TJAP1: variants seen among roughly 807,000 people sequenced by gnomAD.
The protein encoded by TJAP1 is tight junction associated protein 1, also known as tight junction-associated protein 1.
TJAP1 carries 27 observed loss-of-function variants against 42.0 expected under a neutral mutation model. The observed-to-expected ratio is 0.64, with a 90% CI of 0.47 to 0.89. The LOEUF (loss-of-function observed/expected upper bound fraction) is 0.89. TJAP1 is among the 40% of genes least tolerant of loss of function. The pLI is 0.00. For synonymous variants in TJAP1, 257 were observed against 288.4 expected (o/e 0.89, Z 1.10); for missense variants, 712 against 726.9 (o/e 0.98, Z 0.24).
At chr6:43,500,847 A>T in intron 5 of TJAP1, 75 bp downstream of exon 5, 1 of 1,561,082 alleles carries the variant, frequency 6.4e-7, no homozygotes, top group South Asian at 1.1e-5. Context: ...CTGTTGGTAC[A>T]GTTGGACTTT....
In TJAP1 at chr6:43,491,509, C is replaced by T. The variant is rs1787826680; in HGVS notation, c.-121-6372C>T. On this transcript the variant is annotated intron_variant, in intron 2 of 10. Coordinates refer to ENST00000372449, the Ensembl canonical transcript of TJAP1. This position sits in a 1 kb window ranked among gnomAD's most constrained non-coding sequence, Gnocchi z 4.6. ...TTCTCCATGTTAGTCAGGCTGGTCT[C>T]GAACTCCCGACCTCAGGTGATCTGC... Among the ~76,000 whole-genome samples the T allele has an allele frequency of 6.6e-6, 1 of 152,078 alleles. No individual in the cohort carries two copies. Among genetic ancestry groups the T allele is most frequent in the African/African-American group, 2.4e-5 (1 of 41,406 alleles).
chr6:43,502,051 C>T (rs1283100514), intron 6 of TJAP1, among the ~76,000 whole-genome samples: 2 of 104,258 alleles, frequency 1.9e-5, no homozygotes, highest in African/African-American at 1.0e-4. Flanking sequence ...TGCGGGGACA[C>T]ACACACACAC....
intron 6 of TJAP1, 61 bp downstream of exon 6, chr6:43,501,748 ACACACACACACT>A (rs1299942441): frequency 1.4e-4 from 94 of 668,550 alleles, no homozygotes; most frequent in African/African-American, 1.2e-3. Flanking sequence ...ACACACACAC[ACACACACACACT>A]CTCTCTGTCT....
chr6:43,485,464 G>A (rs569926662), intron 2 of TJAP1, among the ~76,000 whole-genome samples: 1 of 152,300 alleles, frequency 6.6e-6, no homozygotes, highest in Non-Finnish European at 1.5e-5. Context: ...CCAGAATTAA[G>A]TGTATAATGC....
chr6:43,503,773 CCA>C, intron 10 of TJAP1, 67 bp downstream of exon 10: 6 of 1,371,168 alleles, frequency 4.4e-6, no homozygotes, highest in African/African-American at 1.4e-5. Flanking sequence ...TCCTCTAACT[CCA>C]GTTTCTGCAC....
rs1233647209 is a variant in TJAP1, at chr6:43,492,356, G to A, written c.-121-5525G>A. Among the ~76,000 whole-genome samples the A allele has an allele frequency of 3.9e-5, 6 of 152,208 alleles. No individual in the cohort carries two copies. Among genetic ancestry groups the A allele is most frequent in the Non-Finnish European group, 8.8e-5 (6 of 68,046 alleles). The stretch of plus-strand genomic sequence containing the variant: ...GGGTGAGGTTGTACTTGCCCAGAGG[G>A]GTGGCGGGCATAGCTGTTGGAGGGG... On this transcript the variant is annotated intron_variant, in intron 2 of 10. Transcript: ENST00000372449. This position sits in a 1 kb window ranked among gnomAD's most constrained non-coding sequence, Gnocchi z 4.2.
chr6:43,494,368 T>C (rs1788553254), intron 2 of TJAP1, among the ~76,000 whole-genome samples: 1 of 152,050 alleles, frequency 6.6e-6, no homozygotes. Flanking sequence ...CCCTTTTCCT[T>C]CTCACTTCAC....
At chr6:43,493,300 G>A (rs952130475) in intron 2 of TJAP1, among the ~76,000 whole-genome samples, 1 of 152,182 alleles carries the variant, frequency 6.6e-6, no homozygotes, top group Non-Finnish European at 1.5e-5. Flanking sequence ...GAAAGGCTTC[G>A]TAGTAGGTTC....
In TJAP1 at chr6:43,505,209, G is replaced by A. The variant is rs77386052; in HGVS notation, c.1028G>A (p.Arg343His). 1.3e-3 allele frequency: 2,103 copies of A among 1,614,012 alleles called. 20 individuals are homozygous for A. The African/African-American group carries it at 0.02, about 16-fold the overall frequency. ...TCTGAGGATAAGGTTCGGATCCCCC[G>A]CAACAGCCCCCTGCCCAACTGCACT... The change falls in exon 11 of 11, where the codon CGC becomes CAC. Residue 343 changes from arginine to histidine, a missense_variant. Around this residue, in one of 3 missense-constraint regions of TJAP1, gnomAD observed 549 missense variants for 528.2 expected, o/e 1.04. Transcript: ENST00000372449. The surrounding 1 kb of genome is among the most constrained non-coding windows in gnomAD (Gnocchi z 5.5).
intron 2 of TJAP1, among the ~76,000 whole-genome samples, chr6:43,493,338 A>T (rs1788251176): frequency 6.6e-6 from 1 of 152,186 alleles, no homozygotes; most frequent in Admixed American, 6.5e-5. Flanking sequence ...AGATAAACTG[A>T]TGGGGCCACA....
In TJAP1 at chr6:43,505,129, C is replaced by T. The variant is rs751768728; in HGVS notation, c.948C>T (p.Tyr316=). 8 of 1,614,190 alleles carry T rather than the reference C, an allele frequency of 5.0e-6. No individual in the cohort carries two copies. The highest frequency in any genetic ancestry group is 1.1e-5 in the South Asian group (1 of 91,088). Residue 316 remains tyrosine, a synonymous_variant, in exon 11 of 11, where the codon TAC becomes TAT. Coordinates refer to ENST00000372449, the Ensembl canonical transcript of TJAP1. This position sits in a 1 kb window ranked among gnomAD's most constrained non-coding sequence, Gnocchi z 5.5. ...CAGCCTTTGAGAAGCTGAACCCCTA[C>T]CCAACCCCGTCTCCACCACACCCAC...
At chr6:43,503,173 G>A in intron 8 of TJAP1, 1 of 571,990 alleles carries the variant, frequency 1.7e-6, no homozygotes, top group South Asian at 2.0e-5. Flanking sequence ...CTGTGTCCTG[G>A]GCCCAGGTGG....
At chr6:43,479,546 A>G (rs557497024) in intron 2 of TJAP1, among the ~76,000 whole-genome samples, 2 of 152,300 alleles carry the variant, frequency 1.3e-5, no homozygotes, top group Admixed American at 6.5e-5. Flanking sequence ...AGTCCCAGCT[A>G]CTTGGGATAC....
intron 8 of TJAP1, 72 bp downstream of exon 8, chr6:43,502,689 C>T: frequency 6.6e-7 from 1 of 1,505,910 alleles, no homozygotes; most frequent in Non-Finnish European, 9.0e-7. Context: ...GATTGTGGGC[C>T]CTGGCTGTTA....
chr6:43,504,973 G>A, exon 11 of TJAP1: 3 of 1,614,122 alleles, frequency 1.9e-6, no homozygotes, highest in Non-Finnish European at 2.5e-6. Flanking sequence ...TTGTGCATGT[G>A]GACATGAGTG....
chr6:43,503,712 T>A lies in TJAP1; in HGVS notation c.579+6T>A, dbSNP rs1201624710. 1.9e-6 allele frequency: 3 copies of A among 1,613,484 alleles called. No homozygotes were observed. The highest frequency in any genetic ancestry group is 2.5e-6 in the Non-Finnish European group (3 of 1,179,538). ...GAAACCACAAGTTTGCCGATGTGAGTAGAACTCACCCCCTCCCTGCCCACA... is the reference window on the plus strand; with the variant it reads ...GAAACCACAAGTTTGCCGATGTGAGAAGAACTCACCCCCTCCCTGCCCACA... On this transcript the variant is annotated splice_donor_region_variant and intron_variant, in intron 10 of 10. Transcript: ENST00000372449.
rs1054189443 is a variant in TJAP1 at position 43,491,994 on chromosome 6, T to C, written c.-121-5887T>C. Among the ~76,000 whole-genome samples the C allele has an allele frequency of 2.6e-5, 4 of 152,212 alleles. No homozygotes were observed. Among genetic ancestry groups the C allele is most frequent in the Non-Finnish European group, 5.9e-5 (4 of 68,036 alleles). ...GCCGGTCCTTCACTTTGGCCTTTCT[T>C]AGGAGAGGGCATGGGGTCTAATGTC... On this transcript the variant is annotated intron_variant, in intron 2 of 10. Coordinates refer to ENST00000372449, the Ensembl canonical transcript of TJAP1. This position sits in a 1 kb window ranked among gnomAD's most constrained non-coding sequence, Gnocchi z 4.6.
intron 2 of TJAP1, among the ~76,000 whole-genome samples, chr6:43,493,627 T>G (rs1788305665): frequency 6.6e-6 from 1 of 152,218 alleles, no homozygotes; most frequent in Non-Finnish European, 1.5e-5. Flanking sequence ...CTTCTGCATC[T>G]CTGACTTTGC....
exon 7 of TJAP1, chr6:43,502,285 T>C: frequency 1.9e-6 from 3 of 1,614,024 alleles, no homozygotes; most frequent in Non-Finnish European, 2.5e-6. Context: ...CTTTTCAGGC[T>C]GCAGAACAGC....
Sources: gnomAD v4.1 joint callset for allele counts (sites outside exome capture counted in the v4.1 genomes callset) on GRCh38, gnomAD v4.1.1 for gene constraint, gnomAD v4.1.1 regional missense constraint, Gnocchi (gnomAD v3.1) non-coding constraint, MANE v1.5 for transcripts, NCBI Gene and HGNC (gene_info 2026-07-23, HGNC 2026-07-21) for gene names.